Variants in LRP6 observed in about 807,000 individuals in gnomAD.
LRP6 encodes the protein low-density lipoprotein receptor-related protein 6.
Under a neutral mutation model 184.1 loss-of-function variants are expected in LRP6, and 43 were observed. That is an observed-to-expected ratio of 0.23 (90% CI 0.18 to 0.30). LRP6 has a LOEUF of 0.30. LRP6 is among the 10% of genes least tolerant of loss of function. The probability of loss-of-function intolerance (pLI) is 1.00; values close to 1 mark genes in which losing one functional copy is unlikely to be tolerated. For synonymous variants in LRP6, 719 were observed against 684.9 expected (o/e 1.05, Z -0.78); for missense variants, 1,571 against 2,005.3 (o/e 0.78, Z 4.14).
At chr12:12,248,630 C>T (rs1167595120) in intron 1 of LRP6, among the ~76,000 whole-genome samples, 2 of 151,620 alleles carry the variant, frequency 1.3e-5, no homozygotes, top group Non-Finnish European at 2.9e-5. Flanking sequence ...TACAGGCGCC[C>T]GCCACTACGC....
At chr12:12,264,940 A>C (rs1437671623) in intron 1 of LRP6, among the ~76,000 whole-genome samples, 1 of 152,164 alleles carries the variant, frequency 6.6e-6, no homozygotes, top group African/African-American at 2.4e-5. Context: ...AACCTATCTA[A>C]ATTCCAATAA....
At position 12,121,100 on chromosome 12, in the gene LRP6, G is replaced by A. The variant is rs1315914503; in HGVS notation, c.*26C>T. 1.9e-6 allele frequency: 3 copies of A among 1,560,154 alleles called. No homozygotes were observed. The highest frequency in any genetic ancestry group is 1.7e-6 in the Non-Finnish European group (2 of 1,153,014). Reference sequence around the variant, plus strand: ...TTTATATTTACATTTTTACGTTGGAGGCAGTCAGAGGAGGAGGGCCCCTCC... The same window carrying A: ...TTTATATTTACATTTTTACGTTGGAAGCAGTCAGAGGAGGAGGGCCCCTCC... On this transcript the variant is annotated 3_prime_UTR_variant, in exon 23 of 23. Coordinates refer to ENST00000261349, the MANE Select transcript of LRP6 (RefSeq NM_002336.3).
At chr12:12,209,443 G>A (rs562012303) in intron 2 of LRP6, among the ~76,000 whole-genome samples, 1 of 152,180 alleles carries the variant, frequency 6.6e-6, no homozygotes, top group East Asian at 1.9e-4. Flanking sequence ...TCAAGGATAA[G>A]ACCCAGATAA....
chr12:12,155,918 A>G (rs1309761531), intron 12 of LRP6: 1 of 551,320 alleles, frequency 1.8e-6, no homozygotes, highest in African/African-American at 1.9e-5. Flanking sequence ...TTATTTAACA[A>G]TAATTTCTTG....
chr12:12,212,710 T>G (rs7135920), intron 2 of LRP6, among the ~76,000 whole-genome samples: 1 of 152,240 alleles, frequency 6.6e-6, no homozygotes, highest in Admixed American at 6.5e-5. Flanking sequence ...AAGCTATATA[T>G]GCTTCACTGA....
chr12:12,209,525 A>G (rs1864151180), intron 2 of LRP6, among the ~76,000 whole-genome samples: 1 of 152,216 alleles, frequency 6.6e-6, no homozygotes, highest in Admixed American at 6.5e-5. Flanking sequence ...GCATTTTTAA[A>G]TAGATTACAG....
Position 12,220,363 on chromosome 12 carries a change from C to A in LRP6, c.450-16963G>T, listed in dbSNP as rs527632257. On this transcript the variant is annotated intron_variant, in intron 2 of 22. Transcript: ENST00000261349. Reference sequence around the variant, plus strand: ...ACAACAGTTTTAGGAGTATCTGTCACCTTATGTCAGAGAAAGTACAAATAG... The same window carrying A: ...ACAACAGTTTTAGGAGTATCTGTCAACTTATGTCAGAGAAAGTACAAATAG... Among the ~76,000 whole-genome samples the A allele has an allele frequency of 3.4e-4, 52 of 152,152 alleles. No individual in the cohort carries two copies. The Middle Eastern group carries it at 0.024, about 70-fold the overall frequency.
chr12:12,213,396 T>G (rs1391732860), intron 2 of LRP6, among the ~76,000 whole-genome samples: 2 of 152,102 alleles, frequency 1.3e-5, no homozygotes, highest in African/African-American at 4.8e-5. Context: ...AGTTTAGCTA[T>G]TGGGGATTAA....
At chr12:12,153,105 G>A (rs907594604) in intron 12 of LRP6, among the ~76,000 whole-genome samples, 2 of 152,160 alleles carry the variant, frequency 1.3e-5, no homozygotes, top group Non-Finnish European at 2.9e-5. Flanking sequence ...ACACAGAATA[G>A]CTAAAAAGTC....
Position 12,159,856 on chromosome 12 carries a change from T to C in LRP6, c.2388A>G (p.Leu796=), listed in dbSNP as rs1473740786. The C allele has an allele frequency of 6.2e-7, 1 of 1,614,160 alleles. No homozygotes were observed. The highest frequency in any genetic ancestry group is 1.7e-5 in the Admixed American group (1 of 60,020). ...LVPNVGRANG[L]TIDYAKRRLY... The stretch of plus-strand genomic sequence containing the variant: ...GCCTCCTTTTAGCATAATCAATAGT[T>C]AGGCCGTTTGCCCGCCCCACATTTG... Residue 796 remains leucine, a synonymous_variant, in exon 11 of 23, where the codon CTA becomes CTG. Transcript: ENST00000261349.
At chr12:12,219,574 C>T (rs900249849) in intron 2 of LRP6, among the ~76,000 whole-genome samples, 2 of 152,164 alleles carry the variant, frequency 1.3e-5, no homozygotes, top group African/African-American at 2.4e-5. Context: ...GGAAAAAATA[C>T]AAACAAGACT....
At chr12:12,180,012 A>AACAAAAAGT in intron 6 of LRP6, 31 bp from the exon 7 acceptor site, 5 of 1,569,634 alleles carry the variant, frequency 3.2e-6, no homozygotes, top group Non-Finnish European at 4.4e-6. Flanking sequence ...TGAGCTAAAA[A>AACAAAAAGT]TAGATAATAA....
At chr12:12,157,461 A>C (rs1309270992) in intron 12 of LRP6, among the ~76,000 whole-genome samples, 1 of 152,170 alleles carries the variant, frequency 6.6e-6, no homozygotes, top group East Asian at 1.9e-4. Context: ...CTATACAGCA[A>C]TTACTATTAT....
At chr12:12,142,698 C>T (rs1334372906) in intron 15 of LRP6, among the ~76,000 whole-genome samples, 5 of 151,594 alleles carry the variant, frequency 3.3e-5, no homozygotes, top group African/African-American at 1.2e-4. Context: ...TTCTCATGAG[C>T]GTAGATTAAA....
chr12:12,186,055 C>T (rs1353885434), intron 4 of LRP6, among the ~76,000 whole-genome samples: 1 of 151,836 alleles, frequency 6.6e-6, no homozygotes, highest in Admixed American at 6.6e-5. Flanking sequence ...ACCATGTTGG[C>T]CAGGCTGGTC....
chr12:12,190,991 C>T (rs1412012994), intron 3 of LRP6, among the ~76,000 whole-genome samples: 2 of 152,158 alleles, frequency 1.3e-5, no homozygotes, highest in African/African-American at 4.8e-5. Flanking sequence ...AAACTACCAA[C>T]AGCCATTAAG....
intron 15 of LRP6, among the ~76,000 whole-genome samples, chr12:12,143,464 C>A (rs1451754691): frequency 6.6e-6 from 1 of 151,986 alleles, no homozygotes; most frequent in Admixed American, 6.6e-5. Flanking sequence ...CCAAGGTAAT[C>A]CTGAAAAAAT....
rs887261757 is a variant in LRP6, at chr12:12,116,747, G to T, written c.*4379C>A. On this transcript the variant is annotated 3_prime_UTR_variant, in exon 23 of 23. Transcript: ENST00000261349. Reference sequence around the variant, plus strand: ...GTAATTCTATCTGTAAAGTCATGGAGATTTTTTTCAGCAATAAACTCAACA... The same window carrying T: ...GTAATTCTATCTGTAAAGTCATGGATATTTTTTTCAGCAATAAACTCAACA... 4.6e-5 allele frequency: 7 copies of T among 152,084 alleles called. No individual in the cohort carries two copies. The highest frequency in any genetic ancestry group is 1.7e-4 in the African/African-American group (7 of 41,414). The allele number at this position is 152,084 out of a possible 1,614,324, so 9.4% of individuals were successfully genotyped here. A position where few individuals can be genotyped will look rare whatever the true frequency, so the allele number is the denominator to read the frequency against.
At chr12:12,246,159 T>C (rs796206947) in intron 1 of LRP6, among the ~76,000 whole-genome samples, 14 of 151,908 alleles carry the variant, frequency 9.2e-5, no homozygotes, top group African/African-American at 2.9e-4. Flanking sequence ...CCCACCACTA[T>C]GGGTCCGGCT....
Sources: gnomAD v4.1 joint callset for allele counts (sites outside exome capture counted in the v4.1 genomes callset) on GRCh38, gnomAD v4.1.1 for gene constraint, MANE v1.5 for transcripts, NCBI Gene and HGNC (gene_info 2026-07-23, HGNC 2026-07-21) for gene names.